The following NCMAP variants were observed in gnomAD, a reference collection of about 807,000 sequenced individuals.
The protein encoded by NCMAP is noncompact myelin-associated protein.
Under a neutral mutation model 7.8 loss-of-function variants are expected in NCMAP, and 8 were observed. The observed-to-expected ratio is 1.02, with a 90% CI of 0.60 to 1.84. The LOEUF is 1.84. Ranked by LOEUF, NCMAP falls within the 40% of genes most tolerant of loss-of-function variation. The pLI, the probability that NCMAP is intolerant of heterozygous loss-of-function variation, is 0.00. For synonymous variants in NCMAP, 41 were observed against 52.9 expected (o/e 0.78, Z 0.98); for missense variants, 112 against 131.4 (o/e 0.85, Z 0.72).
intron 1 of NCMAP, among the ~76,000 whole-genome samples, chr1:24,565,140 A>G (rs1208270997): frequency 8.2e-6 from 1 of 122,134 alleles, no homozygotes; most frequent in Non-Finnish European, 1.7e-5. Context: ...GGGATTTTAT[A>G]CACCTTTTTT....
chr1:24,603,952 G>C (rs1204744973), intron 3 of NCMAP, among the ~76,000 whole-genome samples: 1 of 152,220 alleles, frequency 6.6e-6, no homozygotes, highest in Admixed American at 6.5e-5. Context: ...CTGGAGGCAG[G>C]GAAGTTTAAG....
chr1:24,567,849 T>C (rs1485129196), intron 1 of NCMAP, among the ~76,000 whole-genome samples: 2 of 152,028 alleles, frequency 1.3e-5, no homozygotes, highest in African/African-American at 4.8e-5. Context: ...AGTATGTGGG[T>C]GCCCAGGTGG....
rs116781883 is a variant in NCMAP, at chr1:24,569,554, T to C, written c.-8+13385T>C. 8.9e-3 allele frequency among the ~76,000 whole-genome samples: 1,340 copies of C among 150,618 alleles called. 119 individuals are homozygous for C. The highest frequency in any genetic ancestry group is 0.032 in the African/African-American group (1,261 of 39,980). On this transcript the variant is annotated intron_variant, in intron 1 of 3. Transcript: ENST00000374392. ...CATTGATTGAGCGGCAGCAGTAAAG[T>C]GGAGTGGTCAAAAGCATGAACTGTG... is the stretch of plus-strand genomic sequence containing the variant.
chr1:24,591,808 A>C (rs1425676403), intron 1 of NCMAP, among the ~76,000 whole-genome samples: 1 of 152,124 alleles, frequency 6.6e-6, no homozygotes, highest in Non-Finnish European at 1.5e-5. Flanking sequence ...AGGGCCCCGG[A>C]TTAAGGGAGC....
At chr1:24,602,263 G>A (rs1652526416) in intron 3 of NCMAP, among the ~76,000 whole-genome samples, 10 of 152,090 alleles carry the variant, frequency 6.6e-5, no homozygotes, top group Admixed American at 6.6e-4. Flanking sequence ...GGAGGGGGAT[G>A]TTCCTAATTT....
At chr1:24,579,435 A>G (rs1164180785) in intron 1 of NCMAP, among the ~76,000 whole-genome samples, 1 of 151,710 alleles carries the variant, frequency 6.6e-6, no homozygotes, top group African/African-American at 2.4e-5. Context: ...ATCTGTTCCT[A>G]TTTAAGAGTA....
rs1652789856 is a variant in NCMAP, at chr1:24,607,037, T to C, written c.*1290T>C. 1 of 150,782 alleles carries C rather than the reference T, an allele frequency of 6.6e-6. No individual in the cohort carries two copies. Among genetic ancestry groups the C allele is most frequent in the Non-Finnish European group, 1.5e-5 (1 of 67,824 alleles). 9.3% of individuals were successfully genotyped at this position (150,782 alleles called of 1,614,324 possible). On this transcript the variant is annotated 3_prime_UTR_variant, in exon 4 of 4. Coordinates refer to ENST00000374392, the MANE Select transcript of NCMAP (RefSeq NM_001010980.5). ...TGAGACAGAGCCTCAATCTGTCACC[T>C]GGGCTGGAGTGCAGTGGCACGCTCA...
At chr1:24,575,345 G>A (rs762948416) in intron 1 of NCMAP, among the ~76,000 whole-genome samples, 5 of 152,068 alleles carry the variant, frequency 3.3e-5, no homozygotes, top group African/African-American at 9.7e-5. Flanking sequence ...AATGTATTAC[G>A]CTGGGAGAGC....
In NCMAP at chr1:24,556,993, C is replaced by T. The variant is rs140645145; in HGVS notation, c.-8+824C>T. ...TTTCTCTATGTTTCAGTTTGATGTG[C>T]TCCTTAAATGAAACAATTTCTCTGA... On this transcript the variant is annotated intron_variant, in intron 1 of 3. Transcript: ENST00000374392. Among the ~76,000 whole-genome samples, 12 of 152,266 alleles carry T rather than the reference C, an allele frequency of 7.9e-5. No individual in the cohort carries two copies. The East Asian group carries it at 1.7e-3, about 22-fold the overall frequency.
At position 24,602,256 on chromosome 1, in the gene NCMAP, G is replaced by T. The variant is rs547599857; in HGVS notation, c.167+1232G>T. Among the ~76,000 whole-genome samples the T allele has an allele frequency of 2.0e-5, 3 of 152,212 alleles. No individual in the cohort carries two copies. In the South Asian group the frequency reaches 6.2e-4, roughly 32 times the overall value. ...ATGGCATTGTTAGTTTTTGCTGGGA[G>T]GGGGATGTTCCTAATTTTTGAGGAA... On this transcript the variant is annotated intron_variant, in intron 3 of 3. Coordinates refer to ENST00000374392, the MANE Select transcript of NCMAP (RefSeq NM_001010980.5).
intron 3 of NCMAP, among the ~76,000 whole-genome samples, chr1:24,602,965 G>A (rs1317807844): frequency 6.6e-6 from 1 of 151,946 alleles, no homozygotes; most frequent in South Asian, 2.1e-4. Flanking sequence ...ACTTGAACCC[G>A]GGAGGCGGAG....
At chr1:24,598,920 G>A (rs1312457345) in intron 2 of NCMAP, among the ~76,000 whole-genome samples, 1 of 151,634 alleles carries the variant, frequency 6.6e-6, no homozygotes, top group Non-Finnish European at 1.5e-5. Context: ...TTACAGGCGT[G>A]AGCCACCAAA....
chr1:24,570,935 G>C (rs560064152), intron 1 of NCMAP, among the ~76,000 whole-genome samples: 1 of 150,766 alleles, frequency 6.6e-6, no homozygotes, highest in Non-Finnish European at 1.5e-5. Flanking sequence ...CTTACCACCC[G>C]GTCATAATTA....
intron 2 of NCMAP, among the ~76,000 whole-genome samples, 193 bp downstream of exon 2, chr1:24,595,705 G>A (rs1405885855): frequency 6.6e-6 from 1 of 152,028 alleles, no homozygotes; most frequent in East Asian, 1.9e-4. Context: ...TCTTTGCAGG[G>A]CACTGCTGTG....
At position 24,607,255 on chromosome 1, in the gene NCMAP, C is replaced by G. The variant is rs374020578; in HGVS notation, c.*1508C>G. 7 of 152,186 alleles carry G rather than the reference C, an allele frequency of 4.6e-5. No individual in the cohort carries two copies. The East Asian group carries it at 7.7e-4, about 17-fold the overall frequency. The allele number at this position is 152,186 out of a possible 1,614,324, so 9.4% of individuals were successfully genotyped here. A position where few individuals can be genotyped will look rare whatever the true frequency, so the allele number is the denominator to read the frequency against. ...GCCTCAAGTGATCCTTCTGCTTTGGCCTCCCAAAGTGCTGGGATTACAGGC... is the reference window on the plus strand; with the variant it reads ...GCCTCAAGTGATCCTTCTGCTTTGGGCTCCCAAAGTGCTGGGATTACAGGC... On this transcript the variant is annotated 3_prime_UTR_variant, in exon 4 of 4. Coordinates refer to ENST00000374392, the MANE Select transcript of NCMAP (RefSeq NM_001010980.5).
intron 1 of NCMAP, among the ~76,000 whole-genome samples, chr1:24,593,548 A>T (rs565369009): frequency 6.6e-6 from 1 of 152,308 alleles, no homozygotes; most frequent in East Asian, 1.9e-4. Flanking sequence ...CATTTGCTAA[A>T]TGTGAATGGT....
At chr1:24,578,562 T>C (rs1651658206) in intron 1 of NCMAP, among the ~76,000 whole-genome samples, 1 of 77,018 alleles carries the variant, frequency 1.3e-5, no homozygotes, top group Admixed American at 1.1e-4. Flanking sequence ...CTTTCTTTCT[T>C]TTTTTTTTTT....
chr1:24,604,631 T>A (rs1185091610), intron 3 of NCMAP, among the ~76,000 whole-genome samples: 8 of 75,638 alleles, frequency 1.1e-4, no homozygotes, highest in East Asian at 4.2e-4. Context: ...TATATATATA[T>A]ATATATATAT....
intron 1 of NCMAP, among the ~76,000 whole-genome samples, chr1:24,570,417 C>T (rs1272761239): frequency 2.0e-5 from 3 of 150,714 alleles, no homozygotes; most frequent in Non-Finnish European, 4.4e-5. Context: ...ATCCCTTGAA[C>T]TGGGGAAGTC....
Sources: gnomAD v4.1 joint callset for allele counts (sites outside exome capture counted in the v4.1 genomes callset) on GRCh38, gnomAD v4.1.1 for gene constraint, MANE v1.5 for transcripts, NCBI Gene and HGNC (gene_info 2026-07-23, HGNC 2026-07-21) for gene names.